The following RYR1 variants were observed in gnomAD, a reference collection of about 807,000 sequenced individuals.
RYR1 encodes central core disease of muscle.
In RYR1, 342 loss-of-function variants were observed where a neutral mutation model predicts 583.5. That is an observed-to-expected ratio of 0.59 (90% CI 0.54 to 0.64). The LOEUF is 0.64. Ranked by LOEUF, RYR1 falls within the 30% of genes least tolerant of loss-of-function variation. RYR1 has a pLI of 0.00. For synonymous variants in RYR1, 2,791 were observed against 2,822.5 expected (o/e 0.99, Z 0.35); for missense variants, 6,032 against 6,917.2 (o/e 0.87, Z 4.54).
intron 82 of RYR1, 54 bp downstream of exon 82, chr19:38,536,124 C>T (rs1971953128): frequency 1.5e-5 from 22 of 1,470,018 alleles, no homozygotes; most frequent in Middle Eastern, 2.4e-4. Flanking sequence ...TTTGGGATTC[C>T]TCCCACCCCA....
intron 58 of RYR1, among the ~76,000 whole-genome samples, chr19:38,510,062 T>G (rs1265747934): frequency 1.3e-5 from 2 of 152,026 alleles, no homozygotes; most frequent in African/African-American, 2.4e-5. Flanking sequence ...GATCAAGAAG[T>G]TGGGGGAAAG....
At chr19:38,445,264 C>T (rs115880610) in intron 7 of RYR1, among the ~76,000 whole-genome samples, 2,208 of 135,468 alleles carry the variant, frequency 0.016, 63 homozygotes, top group African/African-American at 0.057. Flanking sequence ...ACTCCTTAGA[C>T]AATAAGCATA....
intron 102 of RYR1, 143 bp from the exon 103 acceptor site, chr19:38,585,795 A>C: frequency 1.9e-6 from 2 of 1,045,682 alleles, no homozygotes; most frequent in Non-Finnish European, 2.9e-6. Flanking sequence ...TAAAGGCCTA[A>C]TACTATCTTC....
intron 16 of RYR1, among the ~76,000 whole-genome samples, chr19:38,456,774 T>C (rs1486314316): frequency 4.7e-5 from 7 of 148,838 alleles, no homozygotes; most frequent in Non-Finnish European, 7.4e-5. Context: ...CAGCCGGGCA[T>C]GGTGGCTCAC....
In RYR1 at chr19:38,506,316, G is replaced by C. The variant is rs1465684137; in HGVS notation, c.8555G>C (p.Arg2852Pro). The change falls in exon 55 of 106, where the codon CGA becomes CCA. Residue 2852 changes from arginine to proline, a missense_variant. By Grantham distance (103) the Arg-to-Pro change is moderately radical. Around this residue, in one of 11 missense-constraint regions of RYR1, gnomAD observed 1,493 missense variants for 1,715.5 expected, o/e 0.87. Coordinates refer to ENST00000359596, the MANE Select transcript of RYR1 (RefSeq NM_000540.3). ...ISQSAQTYDP[R>P]EGYNPQPPDL... ...TTGTCCTCTCAGACCTATGATCCTC[G>C]AGAAGGCTACAACCCTCAGCCCCCC... is the stretch of plus-strand genomic sequence containing the variant. The C allele has an allele frequency of 6.2e-7, 1 of 1,613,526 alleles. No homozygotes were observed. The highest frequency in any genetic ancestry group is 1.3e-5 in the African/African-American group (1 of 74,798).
At chr19:38,437,564 CTTCGCTTTGGGAGGCTG>C (rs1972481099) in intron 1 of RYR1, among the ~76,000 whole-genome samples, 1 of 152,076 alleles carries the variant, frequency 6.6e-6, no homozygotes. Context: ...CCTGTAATCC[CTTCGCTTTGGGAGGCTG>C]AAGCAGGACG....
chr19:38,458,816 G>T (rs1040959863), intron 18 of RYR1, among the ~76,000 whole-genome samples: 1 of 152,070 alleles, frequency 6.6e-6, no homozygotes, highest in Non-Finnish European at 1.5e-5. Flanking sequence ...GTAGAGACAG[G>T]GTTTCACCAC....
At chr19:38,468,048 T>TCCATCATC (rs1555774295) in intron 25 of RYR1, among the ~76,000 whole-genome samples, 14 of 67,700 alleles carry the variant, frequency 2.1e-4, no homozygotes, top group East Asian at 1.4e-3. Flanking sequence ...CATCCATCCA[T>TCCATCATC]CATCCATCCA....
rs1600897730 is a variant in RYR1 at position 38,519,221 on chromosome 19, A to G, written c.10026A>G (p.Ala3342=). The change falls in exon 67 of 106, where the codon GCA becomes GCG. Residue 3342 remains alanine, a synonymous_variant. Coordinates refer to ENST00000359596, the MANE Select transcript of RYR1 (RefSeq NM_000540.3). The stretch of plus-strand genomic sequence containing the variant: ...CCCATCGCACCCCTGCAGTGTTCGC[A>G]CAGCCCATTGTGAGCCGTGCACGGC... The part of the protein sequence containing the change: ...ASWMKRLAVF[A]QPIVSRARPE... 10 of 1,614,112 alleles carry G rather than the reference A, an allele frequency of 6.2e-6. No homozygotes were observed. The highest frequency in any genetic ancestry group is 1.3e-5 in the African/African-American group (1 of 75,036).
At chr19:38,535,470 C>A in intron 81 of RYR1, 78 bp downstream of exon 81, 1 of 1,066,252 alleles carries the variant, frequency 9.4e-7, no homozygotes, top group Non-Finnish European at 1.5e-6. Context: ...ATTTCCAGTT[C>A]TGATTCTGCT....
chr19:38,576,501 A>G (rs1973961595), intron 97 of RYR1, among the ~76,000 whole-genome samples: 1 of 152,062 alleles, frequency 6.6e-6, no homozygotes, highest in Non-Finnish European at 1.5e-5. Context: ...TGCCTGGCAC[A>G]GAGTGAATAC....
chr19:38,559,279 G>C (rs1436023461), intron 89 of RYR1, among the ~76,000 whole-genome samples: 1 of 144,892 alleles, frequency 6.9e-6, no homozygotes, highest in African/African-American at 2.6e-5. Context: ...TTATTGCCCA[G>C]GCTAGGTGCA....
intron 33 of RYR1, among the ~76,000 whole-genome samples, chr19:38,485,088 A>G (rs1361777711): frequency 6.6e-6 from 1 of 152,098 alleles, no homozygotes; most frequent in East Asian, 1.9e-4. Context: ...CTGCCCTTGG[A>G]ATTTACATTC....
At chr19:38,578,856 A>G (rs1211782908) in intron 99 of RYR1, among the ~76,000 whole-genome samples, 2 of 152,190 alleles carry the variant, frequency 1.3e-5, no homozygotes, top group African/African-American at 2.4e-5. Flanking sequence ...TCAGGCCTAT[A>G]ATCCCAGCAC....
chr19:38,439,926 C>G (rs1057415796), intron 1 of RYR1, among the ~76,000 whole-genome samples: 1 of 152,130 alleles, frequency 6.6e-6, no homozygotes, highest in Non-Finnish European at 1.5e-5. Context: ...TAAAACAACA[C>G]GCAAAAGAGA....
chr19:38,567,054 A>G (rs1380891802), intron 92 of RYR1, 67 bp downstream of exon 92: 33 of 1,547,314 alleles, frequency 2.1e-5, no homozygotes, highest in Non-Finnish European at 2.9e-5. Flanking sequence ...AGGAGCCTCC[A>G]GAGGTCAGGC....
In RYR1 at chr19:38,512,298, T is replaced by C. The variant is rs934364550; in HGVS notation, c.9287T>C (p.Phe3096Ser). Reference protein sequence around the residue: ...EIVKAGLRSFFESASEDIEKM... With the variant: ...EIVKAGLRSFSESASEDIEKM... Reference sequence around the variant, plus strand: ...GTGAAGGCTGGCCTCCGCTCCTTCTTCGAGAGTGCCTCGGAGGACATCGAG... The same window carrying C: ...GTGAAGGCTGGCCTCCGCTCCTTCTCCGAGAGTGCCTCGGAGGACATCGAG... Residue 3096 changes from phenylalanine to serine, a missense_variant, in exon 63 of 106, where the codon TTC becomes TCC. By Grantham distance (155) the Phe-to-Ser change is radical. Transcript: ENST00000359596. The surrounding 1 kb of genome is among the most constrained non-coding windows in gnomAD (Gnocchi z 5.1). 1 of 1,614,054 alleles carries C rather than the reference T, an allele frequency of 6.2e-7. No individual in the cohort carries two copies. Among genetic ancestry groups the C allele is most frequent in the Non-Finnish European group, 8.5e-7 (1 of 1,180,030 alleles).
intron 101 of RYR1, among the ~76,000 whole-genome samples, chr19:38,581,566 G>A (rs149788900): frequency 0.01 from 1,550 of 151,866 alleles, 23 homozygotes; most frequent in African/African-American, 0.035. Flanking sequence ...ACACCTCTTC[G>A]CCATTGTTTC....
At chr19:38,503,498 C>T (rs1970296272) in intron 49 of RYR1, among the ~76,000 whole-genome samples, 2 of 152,148 alleles carry the variant, frequency 1.3e-5, no homozygotes, top group Admixed American at 6.5e-5. Context: ...TTTAGCCAGG[C>T]GCGGTGGCTC....
Sources: allele counts gnomAD v4.1 joint callset (sites outside exome capture counted in the v4.1 genomes callset), GRCh38; gene constraint gnomAD v4.1.1; regional missense constraint gnomAD v4.1.1; non-coding constraint Gnocchi (gnomAD v3.1); transcripts MANE v1.5; gene names NCBI Gene and HGNC (gene_info 2026-07-23, HGNC 2026-07-21).